Variants in SAFB observed in about 807,000 individuals in gnomAD.
SAFB encodes scaffold attachment factor B, also known as scaffold attachment factor B1.
Under a neutral mutation model 101.6 loss-of-function variants are expected in SAFB, and 15 were observed. That is an observed-to-expected ratio of 0.15 (90% confidence interval 0.10 to 0.23). The LOEUF (loss-of-function observed/expected upper bound fraction) is 0.23. Among genes scored for constraint, SAFB ranks in the 10% least tolerant of loss-of-function variants. The pLI, the probability that SAFB is intolerant of heterozygous loss-of-function variation, is 1.00. For synonymous variants in SAFB, 449 were observed against 407.5 expected (o/e 1.10, Z -1.23); for missense variants, 930 against 1,104.1 (o/e 0.84, Z 2.23).
chr19:5,651,065 A>G lies in SAFB; in HGVS notation c.1286A>G (p.Tyr429Cys), dbSNP rs375444020. The change falls in exon 9 of 21, where the codon TAT becomes TGT. Residue 429 changes from tyrosine to cysteine, a missense_variant. Transcript: ENST00000588852. ...GATTTGAAGAATCTTTTCAGCAAAT[A>G]TGGGAAGGTAAGTGCCAGAGCTTTT... Reference protein sequence around the residue: ...ATDLKNLFSKYGKVVGAKVVT... With the variant: ...ATDLKNLFSKCGKVVGAKVVT... The G allele has an allele frequency of 1.2e-6, 2 of 1,601,148 alleles. No homozygotes were observed. Among genetic ancestry groups the G allele is most frequent in the African/African-American group, 1.3e-5 (1 of 74,484 alleles).
chr19:5,640,358 C>CTTTTT (rs34358887), intron 2 of SAFB, among the ~76,000 whole-genome samples: 22 of 91,538 alleles, frequency 2.4e-4, no homozygotes, highest in African/African-American at 3.8e-4. Context: ...GAAAGATTGG[C>CTTTTT]TTTTTTTTTT....
chr19:5,649,799 T>G, intron 7 of SAFB, 127 bp from the exon 8 acceptor site: 1 of 880,344 alleles, frequency 1.1e-6, no homozygotes, highest in Non-Finnish European at 1.8e-6. Flanking sequence ...AATACAAGTT[T>G]GTCGGGGTAT....
intron 2 of SAFB, among the ~76,000 whole-genome samples, chr19:5,641,199 G>C (rs116364486): frequency 2.0e-4 from 30 of 152,234 alleles, no homozygotes; most frequent in African/African-American, 6.7e-4. Flanking sequence ...CATTAAAAAT[G>C]TGCATACTCG....
At position 5,667,908 on chromosome 19, in the gene SAFB, G is replaced by A. The variant is rs1209126848; in HGVS notation, c.2624+22G>A. Reference sequence around the variant, plus strand: ...CAGGGTAAGGCATGCTGGGGGCGGCGCCCCTTCCCCCTGCTTTGCATATTG... The same window carrying A: ...CAGGGTAAGGCATGCTGGGGGCGGCACCCCTTCCCCCTGCTTTGCATATTG... On this transcript the variant is annotated intron_variant, in intron 20 of 20. Transcript: ENST00000588852. This position sits in a 1 kb window ranked among gnomAD's most constrained non-coding sequence, Gnocchi z 4.0. 9 of 1,583,084 alleles carry A rather than the reference G, an allele frequency of 5.7e-6. No individual in the cohort carries two copies. The highest frequency in any genetic ancestry group is 3.6e-5 in the Admixed American group (2 of 55,740).
At chr19:5,624,884 G>T (rs1284019692) in intron 1 of SAFB, among the ~76,000 whole-genome samples, 1 of 152,084 alleles carries the variant, frequency 6.6e-6, no homozygotes, top group East Asian at 1.9e-4. Context: ...GAGATTGGCG[G>T]CTGGTCAGGT....
intron 2 of SAFB, among the ~76,000 whole-genome samples, chr19:5,632,364 A>C (rs1019470343): frequency 6.6e-6 from 1 of 152,152 alleles, no homozygotes; most frequent in Non-Finnish European, 1.5e-5. Context: ...GTATGTTTTT[A>C]CTAGACCGCA....
chr19:5,664,372 G>T, intron 16 of SAFB, 25 bp from the exon 17 acceptor site: 1 of 1,604,836 alleles, frequency 6.2e-7, no homozygotes, highest in Non-Finnish European at 8.5e-7. Flanking sequence ...TTCCCCTTAC[G>T]GTTTGATTTA....
At position 5,664,148 on chromosome 19, in the gene SAFB, C is replaced by T. The variant is rs2054278243; in HGVS notation, c.2280C>T (p.His760=). ...DHRDRGRYPD[H]SVDRREGSRS... ...GGGACCGCGGCCGCTACCCCGACCA[C>T]TCGGTGGACAGGTCAGTTGGGCCCC... Residue 760 remains histidine (H), a synonymous_variant, in exon 16 of 21, where the codon CAC becomes CAT. Transcript: ENST00000588852. 2 of 1,613,824 alleles carry T rather than the reference C, an allele frequency of 1.2e-6. No individual in the cohort carries two copies. The highest frequency in any genetic ancestry group is 2.2e-5 in the South Asian group (2 of 91,066).
chr19:5,655,687 G>C (rs1011293570), intron 13 of SAFB, among the ~76,000 whole-genome samples: 3 of 152,126 alleles, frequency 2.0e-5, no homozygotes, highest in Admixed American at 6.6e-5. Flanking sequence ...CTTGGTGAAT[G>C]GAGCGGATTG....
intron 15 of SAFB, among the ~76,000 whole-genome samples, chr19:5,662,396 A>G (rs1156992114): frequency 6.6e-6 from 1 of 151,756 alleles, no homozygotes; most frequent in Non-Finnish European, 1.5e-5. Flanking sequence ...GGGGAGGTTG[A>G]GGCAGGAAAA....
intron 2 of SAFB, among the ~76,000 whole-genome samples, chr19:5,637,257 T>C (rs1599331128): frequency 6.9e-6 from 1 of 144,904 alleles, no homozygotes. Context: ...GGCAGGAGAA[T>C]GGCGTGAACC....
At chr19:5,641,092 A>G (rs912780922) in intron 2 of SAFB, among the ~76,000 whole-genome samples, 2 of 151,708 alleles carry the variant, frequency 1.3e-5, no homozygotes, top group Admixed American at 1.3e-4. Flanking sequence ...CTGGTCTCGA[A>G]CTCCTGACCT....
At chr19:5,661,870 T>G in intron 15 of SAFB, 62 bp downstream of exon 15, 2 of 1,137,990 alleles carry the variant, frequency 1.8e-6, no homozygotes, top group Non-Finnish European at 2.4e-6. Flanking sequence ...GACCTCACAG[T>G]CCAGTTAGCT....
intron 2 of SAFB, 150 bp from the exon 3 acceptor site, chr19:5,641,444 A>G: frequency 1.5e-6 from 1 of 660,962 alleles, no homozygotes; most frequent in South Asian, 1.8e-5. Flanking sequence ...TCTTGTGCGG[A>G]ATGGCCTCAT....
chr19:5,667,839 C>A lies in SAFB; in HGVS notation c.2577C>A (p.Ser859=). 1 of 1,613,692 alleles carries A rather than the reference C, an allele frequency of 6.2e-7. No homozygotes were observed. The change falls in exon 20 of 21, where the codon TCC becomes TCA. Residue 859 remains serine (S), a synonymous_variant. Coordinates refer to ENST00000588852, the MANE Select transcript of SAFB (RefSeq NM_001201338.2). The surrounding 1 kb of genome is among the most constrained non-coding windows in gnomAD (Gnocchi z 4.0). ...TTCCAGGTGGCGAGAGAAGCATGTCCGGTCACTCCGGGCCTGGCCACATGA... is the reference window on the plus strand; with the variant it reads ...TTCCAGGTGGCGAGAGAAGCATGTCAGGTCACTCCGGGCCTGGCCACATGA... The part of the protein sequence containing the change: ...KRWQGGERSM[S]GHSGPGHMMN...
At chr19:5,625,825 T>G (rs1264086973) in intron 1 of SAFB, among the ~76,000 whole-genome samples, 1 of 152,160 alleles carries the variant, frequency 6.6e-6, no homozygotes, top group Non-Finnish European at 1.5e-5. Context: ...TGAATGTACA[T>G]GATGGGGATC....
chr19:5,626,356 G>A lies in SAFB; in HGVS notation c.190-49G>A, dbSNP rs10412493. ...GTCACCTGAGAGCTCTCTGAAAGCA[G>A]TGTGTGAGCTGACTTTTTGGATCAA... On this transcript the variant is annotated intron_variant, in intron 1 of 20. Coordinates refer to ENST00000588852, the MANE Select transcript of SAFB (RefSeq NM_001201338.2). The A allele has an allele frequency of 3.4e-3, 3,565 of 1,046,792 alleles. 83 individuals are homozygous for A. The African/African-American group carries it at 0.049, about 14-fold the overall frequency. The allele number at this position is 1,046,792 out of a possible 1,614,324, so 64.8% of individuals were successfully genotyped here.
intron 2 of SAFB, among the ~76,000 whole-genome samples, chr19:5,634,236 A>G (rs573264194): frequency 2.0e-5 from 3 of 152,070 alleles, no homozygotes; most frequent in Admixed American, 2.0e-4. Flanking sequence ...TTATCAGAAA[A>G]TTGTCACTTT....
At chr19:5,626,545 C>CA (rs1483584581) in intron 2 of SAFB, 56 bp downstream of exon 2, 6 of 1,018,010 alleles carry the variant, frequency 5.9e-6, no homozygotes, top group Non-Finnish European at 9.3e-6. Flanking sequence ...AAAACGAATA[C>CA]ATTGCTAATG....
Sources: allele counts gnomAD v4.1 joint callset (sites outside exome capture counted in the v4.1 genomes callset), GRCh38; gene constraint gnomAD v4.1.1; non-coding constraint Gnocchi (gnomAD v3.1); transcripts MANE v1.5; gene names NCBI Gene and HGNC (gene_info 2026-07-23, HGNC 2026-07-21).